The following IL23R variants were observed in gnomAD, a reference collection of about 807,000 sequenced individuals.
The protein encoded by IL23R is interleukin-23 receptor.
Under a neutral mutation model 56.9 loss-of-function variants are expected in IL23R, and 34 were observed. The observed-to-expected ratio is 0.60, with a 90% CI of 0.45 to 0.80. The LOEUF (loss-of-function observed/expected upper bound fraction) is 0.80, where lower values mean the gene tolerates loss of function less well. Ranked by LOEUF, IL23R falls within the 30% of genes least tolerant of loss-of-function variation. IL23R has a pLI of 0.00. For missense variants in IL23R, 635 were observed against 730.0 expected, an observed-to-expected ratio of 0.87 and a Z score of 1.50; for synonymous variants, 230 against 249.2, an observed-to-expected ratio of 0.92 and a Z score of 0.73.
rs1222781454 is a variant in IL23R, at chr1:67,168,093, G to C, written c.-28G>C. 1.3e-6 allele frequency: 2 copies of C among 1,511,976 alleles called. No homozygotes were observed. Among genetic ancestry groups the C allele is most frequent in the Non-Finnish European group, 1.8e-6 (2 of 1,088,030 alleles). The allele number at this position is 1,511,976 out of a possible 1,614,324, so 93.7% of individuals were successfully genotyped here. The stretch of plus-strand genomic sequence containing the variant: ...ACATTTTTCATATTTTTTTTCCAGA[G>C]GGAAACAGTCTTTTCCTGCTTCCAG... On this transcript the variant is annotated splice_region_variant and 5_prime_UTR_variant, in exon 2 of 11. Transcript: ENST00000347310.
intron 1 of IL23R, among the ~76,000 whole-genome samples, chr1:67,145,126 C>A (rs1265873677): frequency 6.6e-6 from 1 of 152,162 alleles, no homozygotes; most frequent in African/African-American, 2.4e-5. Context: ...AGGTGGATCA[C>A]CTGAGGTCAG....
chr1:67,154,481 T>C (rs557316822), intron 1 of IL23R, among the ~76,000 whole-genome samples: 2 of 152,340 alleles, frequency 1.3e-5, no homozygotes, highest in African/African-American at 2.4e-5. Flanking sequence ...TTAGCTCTTC[T>C]TGTTGTATTG....
intron 9 of IL23R, among the ~76,000 whole-genome samples, chr1:67,252,805 A>C (rs78246429): frequency 3.1e-5 from 3 of 98,034 alleles, no homozygotes; most frequent in Non-Finnish European, 6.6e-5. Context: ...ATTTATAGAC[A>C]AAAAAAAAAA....
At chr1:67,145,242 G>A (rs1452415743) in intron 1 of IL23R, among the ~76,000 whole-genome samples, 1 of 152,138 alleles carries the variant, frequency 6.6e-6, no homozygotes, top group East Asian at 1.9e-4. Context: ...AGCTACTCAG[G>A]AGGCTGAGGC....
At chr1:67,243,175 C>A (rs543552743) in intron 9 of IL23R, among the ~76,000 whole-genome samples, 2 of 152,236 alleles carry the variant, frequency 1.3e-5, no homozygotes, top group African/African-American at 2.4e-5. Flanking sequence ...CTCTTGAATA[C>A]CAGTTGTTTC....
chr1:67,160,190 C>T (rs1324860737), intron 1 of IL23R, among the ~76,000 whole-genome samples: 1 of 152,056 alleles, frequency 6.6e-6, no homozygotes, highest in Non-Finnish European at 1.5e-5. Flanking sequence ...AAGCTCATTC[C>T]TGCATTATTT....
At chr1:67,169,310 G>C in intron 2 of IL23R, 32 bp from the exon 3 acceptor site, 1 of 1,461,682 alleles carries the variant, frequency 6.8e-7, no homozygotes, top group Non-Finnish European at 9.5e-7. Context: ...AATGTTTTAC[G>C]TGTAATTTAT....
intron 1 of IL23R, among the ~76,000 whole-genome samples, chr1:67,149,426 G>C (rs1193014669): frequency 2.6e-5 from 4 of 152,142 alleles, no homozygotes; most frequent in African/African-American, 9.6e-5. Flanking sequence ...TCCGTGACCT[G>C]TCTCCGCTTC....
intron 1 of IL23R, among the ~76,000 whole-genome samples, chr1:67,159,580 G>A (rs570300269): frequency 7.2e-5 from 11 of 152,182 alleles, no homozygotes; most frequent in Non-Finnish European, 1.2e-4. Context: ...TATAAGTCAG[G>A]ACAAAGATGG....
At chr1:67,225,239 T>G (rs546751638) in intron 7 of IL23R, among the ~76,000 whole-genome samples, 12 of 152,360 alleles carry the variant, frequency 7.9e-5, no homozygotes, top group Middle Eastern at 6.8e-3. Context: ...AAGATACTAC[T>G]GACTACTGCT....
chr1:67,179,012 G>A (rs886981525), intron 3 of IL23R, among the ~76,000 whole-genome samples: 6 of 152,222 alleles, frequency 3.9e-5, no homozygotes, highest in South Asian at 2.1e-4. Flanking sequence ...TGTTGGATTC[G>A]GTTTGCCAGT....
At chr1:67,207,978 TA>T (rs1459459572) in intron 6 of IL23R, among the ~76,000 whole-genome samples, 1 of 152,170 alleles carries the variant, frequency 6.6e-6, no homozygotes, top group African/African-American at 2.4e-5. Context: ...CAATAAAATC[TA>T]GGCTGGGGTG....
intron 9 of IL23R, among the ~76,000 whole-genome samples, chr1:67,240,626 C>T (rs41313260): frequency 0.22 from 34,178 of 152,110 alleles, 4,153 homozygotes; most frequent in Non-Finnish European, 0.27. Context: ...CTTTACTACA[C>T]GGCGTTTTCC....
chr1:67,235,257 G>C (rs1651392961), intron 7 of IL23R, among the ~76,000 whole-genome samples: 1 of 152,182 alleles, frequency 6.6e-6, no homozygotes, highest in African/African-American at 2.4e-5. Flanking sequence ...TTGCTGTAGA[G>C]AAGCCAGGAC....
At chr1:67,186,359 T>C (rs1246914709) in intron 4 of IL23R, among the ~76,000 whole-genome samples, 3 of 152,194 alleles carry the variant, frequency 2.0e-5, no homozygotes, top group Non-Finnish European at 4.4e-5. Flanking sequence ...TTAAGTATAA[T>C]TCATCTACCA....
At chr1:67,216,093 G>T (rs1374224582) in intron 6 of IL23R, among the ~76,000 whole-genome samples, 1 of 152,022 alleles carries the variant, frequency 6.6e-6, no homozygotes, top group Non-Finnish European at 1.5e-5. Context: ...TGTCTCCTAG[G>T]CCCCTCAAAT....
intron 4 of IL23R, among the ~76,000 whole-genome samples, chr1:67,196,465 A>C (rs901673204): frequency 1.3e-5 from 2 of 152,334 alleles, no homozygotes; most frequent in Admixed American, 1.3e-4. Context: ...ACTTGAGCCC[A>C]GAAAGTCAAG....
At chr1:67,196,410 C>T (rs968268942) in intron 4 of IL23R, among the ~76,000 whole-genome samples, 2 of 152,110 alleles carry the variant, frequency 1.3e-5, no homozygotes, top group Non-Finnish European at 2.9e-5. Context: ...CCTGGTGGCA[C>T]ATGCCTGCGA....
intron 4 of IL23R, among the ~76,000 whole-genome samples, chr1:67,193,619 C>T (rs1434053765): frequency 6.6e-6 from 1 of 151,502 alleles, no homozygotes; most frequent in African/African-American, 2.4e-5. Flanking sequence ...TGTATTAGCC[C>T]ATGAAAAAAA....
Sources: allele counts gnomAD v4.1 joint callset (sites outside exome capture counted in the v4.1 genomes callset), GRCh38; gene constraint gnomAD v4.1.1; transcripts MANE v1.5; gene names NCBI Gene and HGNC (gene_info 2026-07-23, HGNC 2026-07-21).